Variants in MALRD1 observed in about 807,000 individuals in gnomAD.
MALRD1 encodes MAM and LDL receptor class A domain containing 1.
MALRD1 carries 247 observed loss-of-function variants against 242.1 expected under a neutral mutation model. The observed-to-expected ratio is 1.02, with a 90% CI of 0.92 to 1.13. MALRD1 has a LOEUF of 1.13. Among genes scored for constraint, MALRD1 ranks in the 50% most tolerant of loss-of-function variants. The probability of loss-of-function intolerance (pLI) is 0.00; values close to 1 mark genes in which losing one functional copy is unlikely to be tolerated. For missense variants in MALRD1, 2,989 were observed against 2,533.1 expected (o/e 1.18, Z -3.86); for synonymous variants, 995 against 866.6 (o/e 1.15, Z -2.60).
At chr10:19,701,138 G>C (rs879474965) in intron 38 of MALRD1, among the ~76,000 whole-genome samples, 4 of 152,106 alleles carry the variant, frequency 2.6e-5, no homozygotes, top group Non-Finnish European at 5.9e-5. Flanking sequence ...GACAAAGCAA[G>C]ACCCTGTCTC....
intron 29 of MALRD1, among the ~76,000 whole-genome samples, chr10:19,470,141 T>A: frequency 6.6e-6 from 1 of 151,988 alleles, no homozygotes. Context: ...CAATCACCAT[T>A]CTATGCTTCT....
chr10:19,426,380 G>C (rs913789769), intron 28 of MALRD1, among the ~76,000 whole-genome samples: 4 of 152,268 alleles, frequency 2.6e-5, no homozygotes, highest in Admixed American at 6.5e-5. Flanking sequence ...TTACCATGAA[G>C]TTTAAGGGAT....
chr10:19,687,717 T>G (rs1327753462), intron 36 of MALRD1, among the ~76,000 whole-genome samples: 1 of 152,208 alleles, frequency 6.6e-6, no homozygotes, highest in Non-Finnish European at 1.5e-5. Context: ...ATTGAGAAAG[T>G]TGGTACAAAA....
chr10:19,671,858 A>T (rs1207686401), intron 36 of MALRD1, among the ~76,000 whole-genome samples: 1 of 151,996 alleles, frequency 6.6e-6, no homozygotes, highest in East Asian at 1.9e-4. Context: ...TGTGACAGAA[A>T]CTGCTGAACC....
intron 38 of MALRD1, among the ~76,000 whole-genome samples, chr10:19,724,337 A>T (rs542920560): frequency 2.0e-4 from 31 of 152,232 alleles, no homozygotes; most frequent in Admixed American, 6.5e-5. Context: ...AATTTAGTAA[A>T]TAAAGTTAAT....
At chr10:19,082,325 G>A (rs7903133) in intron 2 of MALRD1, among the ~76,000 whole-genome samples, 31,891 of 151,416 alleles carry the variant, frequency 0.21, 3,504 homozygotes, top group Admixed American at 0.3. Flanking sequence ...TCTTTATGCT[G>A]TTATTGCCAC....
intron 2 of MALRD1, among the ~76,000 whole-genome samples, chr10:19,081,053 A>G (rs1409354256): frequency 6.6e-6 from 1 of 152,172 alleles, no homozygotes; most frequent in African/African-American, 2.4e-5. Context: ...GCAAATCAAA[A>G]CCACAATGAG....
intron 13 of MALRD1, among the ~76,000 whole-genome samples, chr10:19,171,919 T>G (rs968564450): frequency 9.4e-5 from 12 of 127,370 alleles, no homozygotes. Context: ...ATATGATATA[T>G]ACATATATGT....
intron 26 of MALRD1, among the ~76,000 whole-genome samples, chr10:19,383,090 G>A (rs993921280): frequency 6.6e-6 from 1 of 152,114 alleles, no homozygotes; most frequent in Non-Finnish European, 1.5e-5. Context: ...TAGATGAAAT[G>A]TTTGTTATAT....
At chr10:19,179,049 G>T (rs1314479005) in intron 14 of MALRD1, among the ~76,000 whole-genome samples, 1 of 152,182 alleles carries the variant, frequency 6.6e-6, no homozygotes, top group Non-Finnish European at 1.5e-5. Context: ...GTTTTGCCCT[G>T]TTGGAGAATA....
intron 36 of MALRD1, among the ~76,000 whole-genome samples, chr10:19,665,177 G>A (rs1239778053): frequency 6.6e-6 from 1 of 152,106 alleles, no homozygotes; most frequent in Non-Finnish European, 1.5e-5. Context: ...CTCAGAGGTG[G>A]TTAGAATTTA....
rs937460426 is a variant in MALRD1, at chr10:19,280,110, A to G, written c.3143A>G (p.His1048Arg). Residue 1048 changes from histidine to arginine, a missense_variant, in exon 20 of 40, where the codon CAC (histidine) becomes CGC (arginine). His to Arg is a conservative substitution (Grantham distance 29). Coordinates refer to ENST00000454679, the MANE Select transcript of MALRD1 (RefSeq NM_001142308.3). ...ETSVPVTLPPHNCTDNEFICR... is the reference protein window; with the variant it reads ...ETSVPVTLPPRNCTDNEFICR... Reference sequence around the variant, plus strand: ...TCAGTTCCTGTAACATTACCTCCACACAACTGCACAGACAATGAATTTATC... The same window carrying G: ...TCAGTTCCTGTAACATTACCTCCACGCAACTGCACAGACAATGAATTTATC... The G allele has an allele frequency of 5.2e-6, 8 of 1,541,526 alleles. No homozygotes were observed. The Admixed American group carries it at 6.2e-5, about 12-fold the overall frequency.
chr10:19,714,145 G>T (rs1834269857), intron 38 of MALRD1, among the ~76,000 whole-genome samples: 1 of 152,190 alleles, frequency 6.6e-6, no homozygotes, highest in Non-Finnish European at 1.5e-5. Context: ...AAGACAGAGG[G>T]CTTTCTGTTT....
At chr10:19,431,991 T>C (rs569427948) in intron 28 of MALRD1, among the ~76,000 whole-genome samples, 10 of 152,302 alleles carry the variant, frequency 6.6e-5, no homozygotes, top group Admixed American at 4.6e-4. Context: ...TTCTACCATA[T>C]GAATTTTTTT....
At chr10:19,251,839 C>A (rs1402511053) in intron 18 of MALRD1, among the ~76,000 whole-genome samples, 2 of 151,888 alleles carry the variant, frequency 1.3e-5, no homozygotes, top group African/African-American at 4.8e-5. Context: ...GCGAATTTCC[C>A]CTTGCTGTTT....
intron 29 of MALRD1, among the ~76,000 whole-genome samples, chr10:19,454,431 T>TAA (rs1554775359): frequency 5.1e-5 from 7 of 136,688 alleles, no homozygotes; most frequent in Non-Finnish European, 9.4e-5. Flanking sequence ...TATATATATA[T>TAA]AATTATATGA....
intron 19 of MALRD1, among the ~76,000 whole-genome samples, chr10:19,274,586 A>C (rs1462033655): frequency 6.6e-6 from 1 of 152,058 alleles, no homozygotes; most frequent in Non-Finnish European, 1.5e-5. Flanking sequence ...CCTTGAGCTT[A>C]CACTTCCCAG....
At chr10:19,178,555 G>C (rs1403857804) in intron 14 of MALRD1, among the ~76,000 whole-genome samples, 7 of 152,216 alleles carry the variant, frequency 4.6e-5, no homozygotes. Context: ...TCTTAGAGCT[G>C]TAGTTTTCTG....
At chr10:19,573,769 A>G (rs1836672009) in intron 33 of MALRD1, among the ~76,000 whole-genome samples, 1 of 152,130 alleles carries the variant, frequency 6.6e-6, no homozygotes, top group Non-Finnish European at 1.5e-5. Flanking sequence ...CTAATATGTC[A>G]CTTAATATTC....
Sources: allele counts gnomAD v4.1 joint callset (sites outside exome capture counted in the v4.1 genomes callset), GRCh38; gene constraint gnomAD v4.1.1; transcripts MANE v1.5; gene names NCBI Gene and HGNC (gene_info 2026-07-23, HGNC 2026-07-21).